Variants in DCPS observed in about 807,000 individuals in gnomAD.
DCPS encodes decapping enzyme, scavenger, also known as m7GpppX diphosphatase.
A neutral mutation model predicts 34.7 loss-of-function variants in DCPS; 27 were observed. The ratio of observed to expected loss-of-function variants is 0.78; its 90% CI spans 0.57 to 1.07. DCPS has a LOEUF of 1.07. Ranked by LOEUF, DCPS falls within the 50% of genes least tolerant of loss-of-function variation. The pLI, the probability that DCPS is intolerant of heterozygous loss-of-function variation, is 0.00. For missense variants in DCPS, 464 were observed against 436.9 expected (o/e 1.06, Z -0.55); for synonymous variants, 185 against 185.7 (o/e 1.00, Z 0.03).
At position 126,334,047 on chromosome 11, in the gene DCPS, A is replaced by G. The variant is rs1287690229; in HGVS notation, c.522+2497A>G. ...AACAGGAAGACTGGGAAAAACCAGT[A>G]TGGGTCTGAACCAAGGTAGGGACAG... On this transcript the variant is annotated intron_variant, in intron 3 of 5. Coordinates refer to ENST00000263579, the MANE Select transcript of DCPS (RefSeq NM_014026.6). This position sits in a 1 kb window ranked among gnomAD's most constrained non-coding sequence, Gnocchi z 5.5. Among the ~76,000 whole-genome samples the G allele has an allele frequency of 6.6e-6, 1 of 152,164 alleles. No homozygotes were observed. Among genetic ancestry groups the G allele is most frequent in the African/African-American group, 2.4e-5 (1 of 41,444 alleles).
In DCPS at chr11:126,306,664, C is replaced by T. The variant is rs141856350; in HGVS notation, c.296C>T (p.Thr99Met). ...FQVEQVAQLL[T>M]GSPELQLQFS... ...GTGGAACAGGTGGCTCAGCTCCTGACGGGCAGCCCTGAGCTCCAGTTGCAG... is the reference window on the plus strand; with the variant it reads ...GTGGAACAGGTGGCTCAGCTCCTGATGGGCAGCCCTGAGCTCCAGTTGCAG... Residue 99 changes from threonine (T) to methionine (M), a missense_variant, in exon 2 of 6, where the codon ACG (threonine) becomes ATG (methionine). Physicochemically the swap from Thr to Met is moderately conservative, Grantham distance 81. Transcript: ENST00000263579. 52 of 1,613,790 alleles carry T rather than the reference C, an allele frequency of 3.2e-5. No homozygotes were observed. Among genetic ancestry groups the T allele is most frequent in the Middle Eastern group, 1.6e-4 (1 of 6,084 alleles).
At chr11:126,343,101 G>A (rs1464826512) in intron 4 of DCPS, among the ~76,000 whole-genome samples, 1 of 149,604 alleles carries the variant, frequency 6.7e-6, no homozygotes, top group African/African-American at 2.5e-5. Flanking sequence ...CTCTCACATG[G>A]TATTCTCTAG....
At position 126,347,645 on chromosome 11, in the gene DCPS, C is replaced by G. The variant is rs1312690947; in HGVS notation, c.*2032C>G. ...TCAGCAGGATCCATTTCATGGCCACCACACATCTGACTGACTCCTTCTTGG... is the reference window on the plus strand; with the variant it reads ...TCAGCAGGATCCATTTCATGGCCACGACACATCTGACTGACTCCTTCTTGG... On this transcript the variant is annotated 3_prime_UTR_variant, in exon 6 of 6. Coordinates refer to ENST00000263579, the MANE Select transcript of DCPS (RefSeq NM_014026.6). This position sits in a 1 kb window ranked among gnomAD's most constrained non-coding sequence, Gnocchi z 4.2. 6.6e-6 allele frequency among the ~76,000 whole-genome samples: 1 copy of G among 152,194 alleles called. No individual in the cohort carries two copies. The highest frequency in any genetic ancestry group is 1.5e-5 in the Non-Finnish European group (1 of 68,036).
intron 2 of DCPS, among the ~76,000 whole-genome samples, chr11:126,316,601 A>T (rs185129054): frequency 6.6e-6 from 1 of 151,256 alleles, no homozygotes; most frequent in East Asian, 1.9e-4. Flanking sequence ...TCTGTATTCT[A>T]CGTCTGTTTC....
rs1297178930 is a variant in DCPS, at chr11:126,345,928, C to T, written c.*315C>T. On this transcript the variant is annotated 3_prime_UTR_variant, in exon 6 of 6. Transcript: ENST00000263579. The surrounding 1 kb of genome is among the most constrained non-coding windows in gnomAD (Gnocchi z 7.4). Reference sequence around the variant, plus strand: ...TCTCCAAGCCCCAGGGCTCACCGTCCGTGGTGGCTTCCTTCTCCCCACTCT... The same window carrying T: ...TCTCCAAGCCCCAGGGCTCACCGTCTGTGGTGGCTTCCTTCTCCCCACTCT... Among the ~76,000 whole-genome samples, 4 of 152,182 alleles carry T rather than the reference C, an allele frequency of 2.6e-5. No homozygotes were observed. The highest frequency in any genetic ancestry group is 2.1e-4 in the South Asian group (1 of 4,828).
At position 126,345,655 on chromosome 11, in the gene DCPS, A is replaced by G; in HGVS notation, c.*42A>G. The G allele has an allele frequency of 6.3e-7, 1 of 1,585,936 alleles. No homozygotes were observed. Reference sequence around the variant, plus strand: ...GAGCACAGATGTGTGGGATTGGGGGAGGAGTGGGGACAAGATTTTTTATCT... The same window carrying G: ...GAGCACAGATGTGTGGGATTGGGGGGGGAGTGGGGACAAGATTTTTTATCT... On this transcript the variant is annotated 3_prime_UTR_variant, in exon 6 of 6. Transcript: ENST00000263579. The surrounding 1 kb of genome is among the most constrained non-coding windows in gnomAD (Gnocchi z 7.4).
Position 126,338,186 on chromosome 11 carries a change from G to C in DCPS, c.523-100G>C. ...TGGCGGCCTTTTATGGCTTGGTTCT[G>C]TCTCCTGGAGAGGCCAGGGAATGCC... is the stretch of plus-strand genomic sequence containing the variant. On this transcript the variant is annotated intron_variant, in intron 3 of 5. Transcript: ENST00000263579. This position sits in a 1 kb window ranked among gnomAD's most constrained non-coding sequence, Gnocchi z 5.4. The C allele has an allele frequency of 8.9e-7, 1 of 1,123,634 alleles. No individual in the cohort carries two copies. Among genetic ancestry groups the C allele is most frequent in the Non-Finnish European group, 1.3e-6 (1 of 763,726 alleles). The allele number at this position is 1,123,634 out of a possible 1,614,324, so 69.6% of individuals were successfully genotyped here.
chr11:126,306,518 A>G (rs753891805), intron 1 of DCPS, 52 bp from the exon 2 acceptor site: 1 of 1,509,300 alleles, frequency 6.6e-7, no homozygotes, highest in Non-Finnish European at 8.9e-7. Flanking sequence ...TGCTCTCCAG[A>G]GTCTCATCGT....
chr11:126,326,253 G>A (rs989294850), intron 2 of DCPS, among the ~76,000 whole-genome samples: 13 of 152,338 alleles, frequency 8.5e-5, no homozygotes, highest in Middle Eastern at 3.4e-3. Flanking sequence ...AGCAGGCGGT[G>A]CCCTCAGTCC....
chr11:126,343,740 A>G (rs181967179), intron 5 of DCPS, among the ~76,000 whole-genome samples: 2 of 152,234 alleles, frequency 1.3e-5, no homozygotes, highest in East Asian at 3.9e-4. Flanking sequence ...CATGACAACC[A>G]TGACAACCAC....
rs1008445414 is a variant in DCPS at position 126,347,560 on chromosome 11, A to G, written c.*1947A>G. Among the ~76,000 whole-genome samples, 4 of 152,180 alleles carry G rather than the reference A, an allele frequency of 2.6e-5. No individual in the cohort carries two copies. Among genetic ancestry groups the G allele is most frequent in the South Asian group, 2.1e-4 (1 of 4,834 alleles). On this transcript the variant is annotated 3_prime_UTR_variant, in exon 6 of 6. Coordinates refer to ENST00000263579, the MANE Select transcript of DCPS (RefSeq NM_014026.6). This position sits in a 1 kb window ranked among gnomAD's most constrained non-coding sequence, Gnocchi z 4.2. Reference sequence around the variant, plus strand: ...TCAACAGTCCCTAGATTCAGGCAACATGGAGTTGCAGCCAAGGAACTTTGA... The same window carrying G: ...TCAACAGTCCCTAGATTCAGGCAACGTGGAGTTGCAGCCAAGGAACTTTGA...
rs138960467 is a variant in DCPS, at chr11:126,313,888, C to T, written c.376+7144C>T. Reference sequence around the variant, plus strand: ...TGTTTTATATGTATAATGTATTTCCCAGTTGAAAGGTAAGACAAATTGGCA... The same window carrying T: ...TGTTTTATATGTATAATGTATTTCCTAGTTGAAAGGTAAGACAAATTGGCA... On this transcript the variant is annotated intron_variant, in intron 2 of 5. Coordinates refer to ENST00000263579, the MANE Select transcript of DCPS (RefSeq NM_014026.6). This position sits in a 1 kb window ranked among gnomAD's most constrained non-coding sequence, Gnocchi z 4.9. Among the ~76,000 whole-genome samples the T allele has an allele frequency of 3.3e-5, 5 of 152,058 alleles. No homozygotes were observed. Among genetic ancestry groups the T allele is most frequent in the Admixed American group, 2.0e-4 (3 of 15,274 alleles).
chr11:126,326,660 A>G (rs1388951505), intron 2 of DCPS, among the ~76,000 whole-genome samples: 1 of 152,200 alleles, frequency 6.6e-6, no homozygotes, highest in Non-Finnish European at 1.5e-5. Context: ...GCAGTGGCTC[A>G]CGCCTGTAAT....
At position 126,342,817 on chromosome 11, in the gene DCPS, C is replaced by T. The variant is rs762168654; in HGVS notation, c.637-490C>T. Among the ~76,000 whole-genome samples, 7 of 152,118 alleles carry T rather than the reference C, an allele frequency of 4.6e-5. No individual in the cohort carries two copies. Among genetic ancestry groups the T allele is most frequent in the African/African-American group, 7.2e-5 (3 of 41,414 alleles). ...ACTCTCTGCTGGGCGCGGTGGCTCACGCCTGTAATCCCAGCACTTTGGGAG... is the reference window on the plus strand; with the variant it reads ...ACTCTCTGCTGGGCGCGGTGGCTCATGCCTGTAATCCCAGCACTTTGGGAG... On this transcript the variant is annotated intron_variant, in intron 4 of 5. Transcript: ENST00000263579. The surrounding 1 kb of genome is among the most constrained non-coding windows in gnomAD (Gnocchi z 4.4).
Position 126,326,510 on chromosome 11 carries a change from G to C in DCPS, c.377-4895G>C, listed in dbSNP as rs1381191267. Reference sequence around the variant, plus strand: ...AGTTCATTTTTGCGTGTCAGGCTTAGAATAGTGTTATAGGGCTGAGGTTCC... The same window carrying C: ...AGTTCATTTTTGCGTGTCAGGCTTACAATAGTGTTATAGGGCTGAGGTTCC... On this transcript the variant is annotated intron_variant, in intron 2 of 5. Coordinates refer to ENST00000263579, the MANE Select transcript of DCPS (RefSeq NM_014026.6). Among the ~76,000 whole-genome samples, 3 of 152,190 alleles carry C rather than the reference G, an allele frequency of 2.0e-5. No individual in the cohort carries two copies. In the South Asian group the frequency reaches 6.2e-4, roughly 31 times the overall value.
rs1013819043 is a variant in DCPS, at chr11:126,342,763, C to G, written c.637-544C>G. Among the ~76,000 whole-genome samples, 14 of 152,206 alleles carry G rather than the reference C, an allele frequency of 9.2e-5. No homozygotes were observed. The highest frequency in any genetic ancestry group is 3.4e-4 in the African/African-American group (14 of 41,538). Reference sequence around the variant, plus strand: ...TTCTTGAACCTCCTGGCTCCCTGCCCCGACAGCTCTGGGGAGTGAGCATAT... The same window carrying G: ...TTCTTGAACCTCCTGGCTCCCTGCCGCGACAGCTCTGGGGAGTGAGCATAT... On this transcript the variant is annotated intron_variant, in intron 4 of 5. Coordinates refer to ENST00000263579, the MANE Select transcript of DCPS (RefSeq NM_014026.6). The surrounding 1 kb of genome is among the most constrained non-coding windows in gnomAD (Gnocchi z 4.4).
chr11:126,304,394 C>A (rs752873673), intron 1 of DCPS, 113 bp downstream of exon 1: 3 of 1,261,314 alleles, frequency 2.4e-6, no homozygotes, highest in Non-Finnish European at 3.3e-6. Flanking sequence ...CATTATCACT[C>A]CGGGGAGGCG....
rs753553533 is a variant in DCPS at position 126,334,801 on chromosome 11, G to T, written c.522+3251G>T. Among the ~76,000 whole-genome samples the T allele has an allele frequency of 8.3e-4, 127 of 152,322 alleles. No individual in the cohort carries two copies. Among genetic ancestry groups the T allele is most frequent in the Non-Finnish European group, 1.5e-3 (102 of 68,032 alleles). On this transcript the variant is annotated intron_variant, in intron 3 of 5. Transcript: ENST00000263579. This position sits in a 1 kb window ranked among gnomAD's most constrained non-coding sequence, Gnocchi z 5.5. Reference sequence around the variant, plus strand: ...CAGTAAAAACTGCAGTGGGATGTCTGGATCTGGAGCCTTTGAGATCATCTA... The same window carrying T: ...CAGTAAAAACTGCAGTGGGATGTCTTGATCTGGAGCCTTTGAGATCATCTA...
At position 126,329,384 on chromosome 11, in the gene DCPS, C is replaced by A. The variant is rs528088987; in HGVS notation, c.377-2021C>A. ...AACTCTGTGAGGCAGATTTGATGAC[C>A]ACCCTTTAATAGGTGAGGAAGCCAA... On this transcript the variant is annotated intron_variant, in intron 2 of 5. Coordinates refer to ENST00000263579, the MANE Select transcript of DCPS (RefSeq NM_014026.6). This position sits in a 1 kb window ranked among gnomAD's most constrained non-coding sequence, Gnocchi z 5.0. Among the ~76,000 whole-genome samples the A allele has an allele frequency of 6.6e-6, 1 of 152,296 alleles. No homozygotes were observed. Among genetic ancestry groups the A allele is most frequent in the South Asian group, 2.1e-4 (1 of 4,824 alleles).
Sources: allele counts gnomAD v4.1 joint callset (sites outside exome capture counted in the v4.1 genomes callset), GRCh38; gene constraint gnomAD v4.1.1; non-coding constraint Gnocchi (gnomAD v3.1); transcripts MANE v1.5; gene names NCBI Gene and HGNC (gene_info 2026-07-23, HGNC 2026-07-21).